Variants in ANXA8 observed in about 807,000 individuals in gnomAD.
ANXA8 encodes annexin A8, also known as VAC-beta.
A neutral mutation model predicts 26.8 loss-of-function variants in ANXA8; 9 were observed. The ratio of observed to expected loss-of-function variants is 0.34; its 90% confidence interval spans 0.20 to 0.59. The LOEUF is 0.59. Ranked by LOEUF, ANXA8 falls within the 20% of genes least tolerant of loss-of-function variation. The probability of loss-of-function intolerance (pLI) is 0.84; values close to 1 mark genes in which losing one functional copy is unlikely to be tolerated. For missense variants in ANXA8, 83 were observed against 238.5 expected (o/e 0.35, Z 4.29); for synonymous variants, 39 against 94.8 (o/e 0.41, Z 3.42).
At chr10:47,645,221 C>T in the ANXA8 span, among the ~76,000 whole-genome samples, 1 of 148,322 alleles carries the variant, frequency 6.7e-6, no homozygotes, top group Non-Finnish European at 1.5e-5. Flanking sequence ...TTGTAAAATT[C>T]ACATCTGAGC....
At chr10:47,481,714 G>A (rs1436058715) in intron 1 of ANXA8, among the ~76,000 whole-genome samples, 57 of 146,708 alleles carry the variant, frequency 3.9e-4, no homozygotes, top group Middle Eastern at 3.5e-3. Flanking sequence ...AGAAGCCTCT[G>A]TCTCACTTCC....
chr10:47,678,644 T>C, the ANXA8 span, among the ~76,000 whole-genome samples: 18 of 151,910 alleles, frequency 1.2e-4, no homozygotes, highest in Middle Eastern at 3.4e-3. Context: ...TAGAACAAAG[T>C]TAATAGAACA....
the ANXA8 span, among the ~76,000 whole-genome samples, chr10:47,648,468 T>C: frequency 6.7e-6 from 1 of 149,906 alleles, no homozygotes; most frequent in Non-Finnish European, 1.5e-5. Context: ...CATTTCAATC[T>C]TTTTTGAAGT....
the ANXA8 span, among the ~76,000 whole-genome samples, chr10:47,571,009 T>C: frequency 2.0e-5 from 3 of 150,612 alleles, no homozygotes; most frequent in Non-Finnish European, 4.4e-5. Context: ...ATGAGTGAAC[T>C]ATCTCACTCA....
chr10:47,949,993 T>G, the ANXA8 span, among the ~76,000 whole-genome samples: 1 of 149,646 alleles, frequency 6.7e-6, no homozygotes, highest in Non-Finnish European at 1.5e-5. Context: ...AAGACTCAAC[T>G]CTATGTTGTC....
the ANXA8 span, among the ~76,000 whole-genome samples, chr10:47,591,619 A>G: frequency 7.0e-6 from 1 of 143,634 alleles, no homozygotes; most frequent in African/African-American, 2.9e-5. Flanking sequence ...AATTTTTTGT[A>G]TTTTGTTTAC....
At chr10:47,777,489 C>T in the ANXA8 span, among the ~76,000 whole-genome samples, 2 of 152,170 alleles carry the variant, frequency 1.3e-5, no homozygotes, top group Non-Finnish European at 2.9e-5. Flanking sequence ...TGCCCTGGAA[C>T]CCTTACATAC....
chr10:47,498,237 G>A, the ANXA8 span, among the ~76,000 whole-genome samples: 2 of 149,938 alleles, frequency 1.3e-5, no homozygotes, highest in Non-Finnish European at 3.0e-5. Context: ...CTTCACATAA[G>A]TGAAGGAACA....
chr10:47,688,795 T>TCCC, the ANXA8 span, among the ~76,000 whole-genome samples: 2 of 146,110 alleles, frequency 1.4e-5, 1 homozygote, highest in Non-Finnish European at 3.0e-5. Flanking sequence ...ACTAACTTGT[T>TCCC]ATTTAAATGG....
At chr10:47,573,319 T>C in the ANXA8 span, among the ~76,000 whole-genome samples, 13 of 150,392 alleles carry the variant, frequency 8.6e-5, 1 homozygote, top group Non-Finnish European at 1.8e-4. Context: ...TTAATCAAGA[T>C]GGGATCTCAC....
At chr10:47,945,380 C>T in the ANXA8 span, among the ~76,000 whole-genome samples, 2 of 150,742 alleles carry the variant, frequency 1.3e-5, 1 homozygote, top group African/African-American at 4.9e-5. Context: ...AAACCCCTCT[C>T]CTCTTCAGAG....
At chr10:47,955,821 G>T in the ANXA8 span, among the ~76,000 whole-genome samples, 2 of 143,872 alleles carry the variant, frequency 1.4e-5, no homozygotes, top group African/African-American at 2.7e-5. Context: ...AATAATAAAT[G>T]AACCTTAGCT....
chr10:47,526,504 A>G, the ANXA8 span, among the ~76,000 whole-genome samples: 2 of 131,512 alleles, frequency 1.5e-5, 1 homozygote, highest in Admixed American at 1.5e-4. Flanking sequence ...AATAGTCCCA[A>G]CTCTCAATGA....
At chr10:47,624,437 T>C in the ANXA8 span, among the ~76,000 whole-genome samples, 1 of 116,118 alleles carries the variant, frequency 8.6e-6, no homozygotes, top group African/African-American at 3.0e-5. Flanking sequence ...TTATGAAGTA[T>C]TGAACTATTC....
chr10:47,889,012 GTGTGTATT>G, the ANXA8 span, among the ~76,000 whole-genome samples: 31 of 109,918 alleles, frequency 2.8e-4, 4 homozygotes, highest in African/African-American at 1.0e-3. Context: ...GTGTGTGTGT[GTGTGTATT>G]TATTTATTTA....
chr10:47,659,185 A>C, the ANXA8 span, among the ~76,000 whole-genome samples: 1 of 151,638 alleles, frequency 6.6e-6, no homozygotes. Context: ...TGAAGTTTTT[A>C]ATATAGCCAG....
rs1839470366 is a variant in ANXA8 at position 47,475,002 on chromosome 10, G to A, written c.495C>T (p.Gly165=). 1.3e-6 allele frequency: 2 copies of A among 1,532,400 alleles called. 1 individual carries two copies. The highest frequency in any genetic ancestry group is 2.8e-5 in the African/African-American group (2 of 71,996). The allele number at this position is 1,532,400 out of a possible 1,614,324, so 94.9% of individuals were successfully genotyped here. A position where few individuals can be genotyped will look rare whatever the true frequency, so the allele number is the denominator to read the frequency against. ...LERILVCLLQ[G]SRDDVSSFVD... is the part of the protein sequence containing the mutation. ...CAAAGCTGCTCACATCATCCCTGCT[G>A]CCCTAGGAACAGAGGAGGTGGCTCT... The change falls in exon 7 of 12, where the codon GGC becomes GGT. Residue 165 remains glycine (G), a splice_region_variant and synonymous_variant. Coordinates refer to ENST00000585281, the MANE Select transcript of ANXA8 (RefSeq NM_001040084.3).
chr10:47,519,092 G>C, the ANXA8 span, among the ~76,000 whole-genome samples: 40 of 137,228 alleles, frequency 2.9e-4, 10 homozygotes, highest in East Asian at 0.012. Flanking sequence ...GGAGGCATTT[G>C]GGTAATGGCA....
the ANXA8 span, among the ~76,000 whole-genome samples, chr10:47,634,143 A>G: frequency 3.8e-5 from 4 of 104,572 alleles, no homozygotes; most frequent in African/African-American, 2.1e-4. Flanking sequence ...TGACTAAACT[A>G]TACTAATATT....
Sources: gnomAD v4.1 joint callset for allele counts (sites outside exome capture counted in the v4.1 genomes callset) on GRCh38, gnomAD v4.1.1 for gene constraint, MANE v1.5 for transcripts, NCBI Gene and HGNC (gene_info 2026-07-23, HGNC 2026-07-21) for gene names.